TRIM24: variants seen among roughly 807,000 people sequenced by gnomAD.
TRIM24 encodes the protein tripartite motif containing 24, also known as transcription intermediary factor 1-alpha.
In TRIM24, 29 loss-of-function variants were observed where a neutral mutation model predicts 123.9. The ratio of observed to expected loss-of-function variants is 0.23; its 90% CI spans 0.17 to 0.32. TRIM24 has a LOEUF of 0.32. Among genes scored for constraint, TRIM24 ranks in the 10% least tolerant of loss-of-function variants. The probability of loss-of-function intolerance (pLI) is 1.00; values close to 1 mark genes in which losing one functional copy is unlikely to be tolerated. For synonymous variants in TRIM24, 456 were observed against 461.1 expected, an observed-to-expected ratio of 0.99 and a Z score of 0.14; for missense variants, 932 against 1,295.3, an observed-to-expected ratio of 0.72 and a Z score of 4.31.
intron 1 of TRIM24, among the ~76,000 whole-genome samples, chr7:138,463,989 C>CTTTTTGTTTTTTTTTTTTTT (rs1795072616): frequency 2.0e-5 from 1 of 50,766 alleles, no homozygotes; most frequent in Non-Finnish European, 3.6e-5. Flanking sequence ...AAAATTTAGA[C>CTTTTTGTTTTTTTTTTTTTT]TTTTTTTTTT....
rs983500807 is a variant in TRIM24, at chr7:138,554,363, A to G, written c.1262-335A>G. Among the ~76,000 whole-genome samples, 49 of 152,350 alleles carry G rather than the reference A, an allele frequency of 3.2e-4. No individual in the cohort carries two copies. The highest frequency in any genetic ancestry group is 5.9e-4 in the Admixed American group (9 of 15,304). The stretch of plus-strand genomic sequence containing the variant: ...GCTATTAAGCCAGACATTCAAACAG[A>G]TTTTTTAAAACATCAAACAGTATTT... On this transcript the variant is annotated intron_variant, in intron 8 of 18. Transcript: ENST00000343526. This position sits in a 1 kb window ranked among gnomAD's most constrained non-coding sequence, Gnocchi z 4.5.
At chr7:138,540,917 C>T (rs1414939850) in intron 7 of TRIM24, among the ~76,000 whole-genome samples, 1 of 152,158 alleles carries the variant, frequency 6.6e-6, no homozygotes, top group Non-Finnish European at 1.5e-5. Context: ...TAGCTCACTG[C>T]AACCTCTAGC....
chr7:138,497,139 G>A (rs919555060), intron 1 of TRIM24, among the ~76,000 whole-genome samples: 3 of 152,102 alleles, frequency 2.0e-5, no homozygotes, highest in African/African-American at 7.2e-5. Flanking sequence ...CTTAGGGATG[G>A]TCTTACCTTT....
Position 138,587,499 on chromosome 7 carries a change from T to C in TRIM24, c.*2548T>C, listed in dbSNP as rs1047450880. ...TCCTTAAATTCTGTTCAAATAGAAA[T>C]AAACCATAAAATGAGCCTAACTATA... On this transcript the variant is annotated 3_prime_UTR_variant, in exon 19 of 19. Coordinates refer to ENST00000343526, the MANE Select transcript of TRIM24 (RefSeq NM_015905.3). 6.6e-6 allele frequency: 1 copy of C among 152,176 alleles called. No individual in the cohort carries two copies. The highest frequency in any genetic ancestry group is 2.4e-5 in the African/African-American group (1 of 41,446). 9.4% of individuals were successfully genotyped at this position (152,176 alleles called of 1,614,324 possible).
chr7:138,469,459 C>T (rs1584682649), intron 1 of TRIM24, among the ~76,000 whole-genome samples: 1 of 151,966 alleles, frequency 6.6e-6, no homozygotes, highest in East Asian at 1.9e-4. Context: ...CAGGCACACA[C>T]CACCACACCT....
intron 1 of TRIM24, among the ~76,000 whole-genome samples, chr7:138,481,515 C>T (rs998482676): frequency 6.6e-6 from 1 of 152,028 alleles, no homozygotes; most frequent in African/African-American, 2.4e-5. Flanking sequence ...TAAGTACTCT[C>T]GTTTTAAGAA....
chr7:138,472,975 G>A (rs144650611), intron 1 of TRIM24, among the ~76,000 whole-genome samples: 448 of 152,020 alleles, frequency 2.9e-3, no homozygotes, highest in African/African-American at 9.3e-3. Flanking sequence ...AATCCCTTAC[G>A]ATGGTTAATA....
chr7:138,471,135 T>G (rs1196660444), intron 1 of TRIM24, among the ~76,000 whole-genome samples: 11 of 152,246 alleles, frequency 7.2e-5, no homozygotes, highest in Non-Finnish European at 1.6e-4. Context: ...CCATTACAAA[T>G]GATGGACCAT....
intron 2 of TRIM24, 93 bp from the exon 3 acceptor site, chr7:138,515,119 C>A (rs546534027): frequency 1.5e-6 from 2 of 1,307,246 alleles, no homozygotes; most frequent in Admixed American, 2.2e-5. Context: ...ACTGATTTAG[C>A]CTGGTACAAT....
intron 1 of TRIM24, among the ~76,000 whole-genome samples, chr7:138,479,658 A>G (rs972501147): frequency 1.4e-5 from 2 of 146,224 alleles, no homozygotes; most frequent in Non-Finnish European, 3.1e-5. Context: ...GATTACAGGC[A>G]TGTGACGCCT....
chr7:138,565,211 A>C (rs772261362), intron 9 of TRIM24, among the ~76,000 whole-genome samples: 4 of 151,726 alleles, frequency 2.6e-5, no homozygotes, highest in Non-Finnish European at 4.4e-5. Context: ...CTCTTTCTCA[A>C]CTGACTCTGC....
chr7:138,542,710 A>G (rs1238908348), intron 7 of TRIM24, among the ~76,000 whole-genome samples: 1 of 152,230 alleles, frequency 6.6e-6, no homozygotes, highest in Non-Finnish European at 1.5e-5. Flanking sequence ...TCTGTCACCT[A>G]TTCCAAAAAA....
intron 7 of TRIM24, among the ~76,000 whole-genome samples, chr7:138,550,530 T>C (rs746233462): frequency 9.2e-5 from 14 of 152,168 alleles, no homozygotes; most frequent in Non-Finnish European, 1.6e-4. Context: ...TGTTCATTGA[T>C]GACTGCAGCG....
intron 9 of TRIM24, among the ~76,000 whole-genome samples, chr7:138,567,251 G>A (rs1195445974): frequency 6.6e-6 from 1 of 152,074 alleles, no homozygotes; most frequent in Non-Finnish European, 1.5e-5. Flanking sequence ...AATCTAGGTG[G>A]CAATCCCTCT....
chr7:138,580,290 A>C (rs778615483), intron 15 of TRIM24, among the ~76,000 whole-genome samples: 14 of 152,180 alleles, frequency 9.2e-5, no homozygotes, highest in Non-Finnish European at 2.1e-4. Context: ...CCCTAGATTA[A>C]ATTTGTTTAG....
chr7:138,464,656 A>G lies in TRIM24; in HGVS notation c.364+3744A>G, dbSNP rs139819294. ...AAAATGTGTGAATATTTATACACAT[A>G]AATATATATACACACACACAATTAA... is the stretch of plus-strand genomic sequence containing the variant. On this transcript the variant is annotated intron_variant, in intron 1 of 18. Transcript: ENST00000343526. Among the ~76,000 whole-genome samples the G allele has an allele frequency of 4.2e-3, 647 of 152,296 alleles. 6 individuals are homozygous for G. Among genetic ancestry groups the G allele is most frequent in the African/African-American group, 0.015 (632 of 41,558 alleles).
intron 7 of TRIM24, among the ~76,000 whole-genome samples, chr7:138,545,124 A>G (rs889806437): frequency 6.6e-6 from 1 of 152,202 alleles, no homozygotes; most frequent in Admixed American, 6.5e-5. Context: ...CGTATCCCCA[A>G]GATATCTAAT....
intron 13 of TRIM24, among the ~76,000 whole-genome samples, chr7:138,576,731 T>C (rs1469357538): frequency 6.6e-6 from 1 of 152,186 alleles, no homozygotes; most frequent in Non-Finnish European, 1.5e-5. Context: ...CATAACACAG[T>C]ACACTATATA....
intron 1 of TRIM24, among the ~76,000 whole-genome samples, chr7:138,470,948 A>AT (rs1795259721): frequency 6.6e-6 from 1 of 152,218 alleles, no homozygotes; most frequent in Admixed American, 6.5e-5. Context: ...TTCAGTTATG[A>AT]TAAAGATAGT....
Sources: allele counts gnomAD v4.1 joint callset (sites outside exome capture counted in the v4.1 genomes callset), GRCh38; gene constraint gnomAD v4.1.1; non-coding constraint Gnocchi (gnomAD v3.1); transcripts MANE v1.5; gene names NCBI Gene and HGNC (gene_info 2026-07-23, HGNC 2026-07-21).